EDN1: variants seen among roughly 807,000 people sequenced by gnomAD.
The protein encoded by EDN1 is endothelin-1.
EDN1 carries 11 observed loss-of-function variants against 21.7 expected under a neutral mutation model. The observed-to-expected ratio is 0.51, with a 90% CI of 0.32 to 0.84. The LOEUF is 0.84. EDN1 is among the 40% of genes least tolerant of loss of function. The pLI, the probability that EDN1 is intolerant of heterozygous loss-of-function variation, is 0.03. For missense variants in EDN1, 244 were observed against 262.3 expected (o/e 0.93, Z 0.48); for synonymous variants, 85 against 90.6 (o/e 0.94, Z 0.35).
chr6:12,273,419 A>T, the EDN1 span, among the ~76,000 whole-genome samples: 1 of 152,186 alleles, frequency 6.6e-6, no homozygotes, highest in Non-Finnish European at 1.5e-5. Context: ...TCAGAACTTA[A>T]AAATTTTAAT....
chr6:12,270,055 T>A, the EDN1 span, among the ~76,000 whole-genome samples: 1 of 152,044 alleles, frequency 6.6e-6, no homozygotes, highest in Non-Finnish European at 1.5e-5. Context: ...CCTAGAAACT[T>A]AACCATTTCT....
At chr6:12,278,883 C>T in the EDN1 span, among the ~76,000 whole-genome samples, 7 of 151,926 alleles carry the variant, frequency 4.6e-5, no homozygotes, top group South Asian at 2.1e-4. Flanking sequence ...GGTGACAGAG[C>T]GAGATTCCGT....
chr6:12,271,597 A>G, the EDN1 span, among the ~76,000 whole-genome samples: 1 of 152,200 alleles, frequency 6.6e-6, no homozygotes, highest in African/African-American at 2.4e-5. Context: ...AGAGATATGA[A>G]AGATTATGTA....
chr6:12,262,643 G>A, the EDN1 span, among the ~76,000 whole-genome samples: 4 of 152,126 alleles, frequency 2.6e-5, no homozygotes, highest in African/African-American at 9.7e-5. Context: ...AGGCCAAGGC[G>A]GGTGGATCAC....
the EDN1 span, among the ~76,000 whole-genome samples, chr6:12,282,618 T>C: frequency 2.9e-3 from 449 of 152,338 alleles, 3 homozygotes; most frequent in African/African-American, 0.011. Flanking sequence ...TCTTCCTTCT[T>C]CTTCTTTAAA....
At chr6:12,248,584 A>C in the EDN1 span, among the ~76,000 whole-genome samples, 16 of 152,330 alleles carry the variant, frequency 1.1e-4, no homozygotes, top group African/African-American at 3.1e-4. Context: ...GCCACACTCC[A>C]CTGAATGACA....
the EDN1 span, among the ~76,000 whole-genome samples, chr6:12,249,621 C>T: frequency 4.6e-5 from 7 of 151,524 alleles, no homozygotes; most frequent in African/African-American, 1.5e-4. Flanking sequence ...AATAGCTGCT[C>T]ACCTGGGGCA....
chr6:12,275,916 A>C, the EDN1 span, among the ~76,000 whole-genome samples: 161 of 152,198 alleles, frequency 1.1e-3, no homozygotes, highest in Non-Finnish European at 1.0e-3. Context: ...TAATCCCAGC[A>C]CTTTGGGAGG....
At chr6:12,232,597 G>A in the EDN1 span, among the ~76,000 whole-genome samples, 5 of 152,158 alleles carry the variant, frequency 3.3e-5, no homozygotes, top group East Asian at 5.8e-4. Context: ...CTGCCTTACC[G>A]CAGTGTTAGT....
chr6:12,235,549 C>A, the EDN1 span, among the ~76,000 whole-genome samples: 1 of 152,162 alleles, frequency 6.6e-6, no homozygotes, highest in Non-Finnish European at 1.5e-5. Context: ...TATGTAATGC[C>A]AAGACAGTGC....
chr6:12,238,767 G>A, the EDN1 span, among the ~76,000 whole-genome samples: 1 of 152,134 alleles, frequency 6.6e-6, no homozygotes, highest in Non-Finnish European at 1.5e-5. Flanking sequence ...GAAAGAATAG[G>A]ACCCAGGCAG....
chr6:12,294,405 G>T lies in EDN1; in HGVS notation c.533+1G>T. Reference sequence around the variant, plus strand: ...CAGAGGAACACCTAAGACAAACCAGGTAAGAGGGAAGGAAGAAAAATTAGG... The same window carrying T: ...CAGAGGAACACCTAAGACAAACCAGTTAAGAGGGAAGGAAGAAAAATTAGG... On this transcript the variant is annotated splice_donor_variant, in intron 4 of 4. Transcript: ENST00000379375. LOFTEE classifies it high-confidence loss of function. The T allele has an allele frequency of 1.2e-6, 2 of 1,614,052 alleles. No individual in the cohort carries two copies. Among genetic ancestry groups the T allele is most frequent in the Non-Finnish European group, 1.7e-6 (2 of 1,180,000 alleles).
At chr6:12,255,535 G>C in the EDN1 span, among the ~76,000 whole-genome samples, 1 of 152,212 alleles carries the variant, frequency 6.6e-6, no homozygotes, top group South Asian at 2.1e-4. Context: ...CTATTTATAA[G>C]AATGCTCTGA....
chr6:12,249,476 T>G, the EDN1 span, among the ~76,000 whole-genome samples: 1 of 151,008 alleles, frequency 6.6e-6, no homozygotes, highest in South Asian at 2.1e-4. Context: ...GGCAAATGTC[T>G]TCCAGTAATA....
the EDN1 span, among the ~76,000 whole-genome samples, chr6:12,239,886 G>A: frequency 1.4e-3 from 207 of 152,224 alleles, 1 homozygote; most frequent in African/African-American, 4.9e-3. Flanking sequence ...TTCAGCCTGG[G>A]TGTCTCAAAA....
the EDN1 span, among the ~76,000 whole-genome samples, chr6:12,250,483 A>G: frequency 2.6e-5 from 4 of 152,178 alleles, no homozygotes; most frequent in Non-Finnish European, 4.4e-5. Flanking sequence ...TCTTATCACT[A>G]TCAATGAGTA....
the EDN1 span, among the ~76,000 whole-genome samples, chr6:12,282,634 G>A: frequency 2.6e-5 from 4 of 152,034 alleles, no homozygotes; most frequent in African/African-American, 9.7e-5. Context: ...TTAAAAGTAA[G>A]TCTTCAGTAC....
upstream of EDN1, among the ~76,000 whole-genome samples, chr6:12,287,754 AGGCGCGCGCGCGCGCGCGCAGG>A (rs1202461012): frequency 2.4e-5 from 1 of 41,348 alleles, no homozygotes; most frequent in Non-Finnish European, 5.5e-5. Context: ...ACACACACAC[AGGCGCGCGCGCGCGCGCGCAGG>A]CACACGTCTT....
At chr6:12,276,734 C>G in the EDN1 span, among the ~76,000 whole-genome samples, 1 of 152,218 alleles carries the variant, frequency 6.6e-6, no homozygotes, top group Non-Finnish European at 1.5e-5. Flanking sequence ...GAGGGAAAAA[C>G]ATGCCAAGCT....
Sources: gnomAD v4.1 joint callset for allele counts (sites outside exome capture counted in the v4.1 genomes callset) on GRCh38, gnomAD v4.1.1 for gene constraint, MANE v1.5 for transcripts, NCBI Gene and HGNC (gene_info 2026-07-23, HGNC 2026-07-21) for gene names.